DPYSL3: variants seen among roughly 807,000 people sequenced by gnomAD.
The protein encoded by DPYSL3 is dihydropyrimidinase-related protein 3.
In DPYSL3, 16 loss-of-function variants were observed where a neutral mutation model predicts 66.1. That is an observed-to-expected ratio of 0.24 (90% CI 0.16 to 0.37). The LOEUF (loss-of-function observed/expected upper bound fraction) is 0.37. Ranked by LOEUF, DPYSL3 falls within the 10% of genes least tolerant of loss-of-function variation. The pLI is 1.00. For synonymous variants in DPYSL3, 338 were observed against 345.1 expected (o/e 0.98, Z 0.23); for missense variants, 738 against 916.2 (o/e 0.81, Z 2.51).
At chr5:147,486,897 C>A (rs1002750386) in intron 1 of DPYSL3, among the ~76,000 whole-genome samples, 1 of 152,180 alleles carries the variant, frequency 6.6e-6, no homozygotes, top group Non-Finnish European at 1.5e-5. Context: ...CCTTTTACTG[C>A]ATATTCTTGA....
chr5:147,416,950 G>A (rs968731681), intron 3 of DPYSL3, among the ~76,000 whole-genome samples: 2 of 152,172 alleles, frequency 1.3e-5, no homozygotes, highest in Non-Finnish European at 2.9e-5. Flanking sequence ...AGCAAAAATG[G>A]AAGGTTAAAA....
intron 1 of DPYSL3, among the ~76,000 whole-genome samples, chr5:147,456,897 A>G (rs1206627491): frequency 6.6e-6 from 1 of 151,988 alleles, no homozygotes; most frequent in Non-Finnish European, 1.5e-5. Context: ...AGCCAGTTCT[A>G]TCTTTTAAAT....
At chr5:147,475,270 A>G (rs1022473803) in intron 1 of DPYSL3, among the ~76,000 whole-genome samples, 2 of 152,134 alleles carry the variant, frequency 1.3e-5, no homozygotes, top group African/African-American at 4.8e-5. Flanking sequence ...TACAGATGTT[A>G]GTTTCTTGGT....
chr5:147,453,237 T>A (rs959431223), intron 1 of DPYSL3, among the ~76,000 whole-genome samples: 2 of 152,180 alleles, frequency 1.3e-5, no homozygotes, highest in African/African-American at 4.8e-5. Flanking sequence ...GGCGGAGCAG[T>A]GGTCCTGGGA....
chr5:147,473,888 T>C (rs148299202), intron 1 of DPYSL3, among the ~76,000 whole-genome samples: 86 of 152,264 alleles, frequency 5.6e-4, no homozygotes, highest in African/African-American at 1.8e-3. Context: ...AAATTTTTGT[T>C]CCTGAATAAA....
chr5:147,435,768 G>A (rs1179253552), intron 1 of DPYSL3, among the ~76,000 whole-genome samples: 4 of 152,216 alleles, frequency 2.6e-5, no homozygotes, highest in Non-Finnish European at 5.9e-5. Context: ...CATGCTGGGT[G>A]CCAGCAGGAA....
At chr5:147,474,171 G>A (rs941807911) in intron 1 of DPYSL3, among the ~76,000 whole-genome samples, 1 of 151,972 alleles carries the variant, frequency 6.6e-6, no homozygotes, top group Admixed American at 6.6e-5. Context: ...TGTACACAAT[G>A]GTGGCTAGTA....
intron 11 of DPYSL3, among the ~76,000 whole-genome samples, chr5:147,398,854 C>G (rs936201303): frequency 1.3e-4 from 20 of 152,170 alleles, no homozygotes; most frequent in Non-Finnish European, 2.1e-4. Flanking sequence ...GAGAGGAAGC[C>G]TCTATTGGCC....
At chr5:147,481,185 T>A (rs1753237709) in intron 1 of DPYSL3, among the ~76,000 whole-genome samples, 2 of 152,204 alleles carry the variant, frequency 1.3e-5, no homozygotes, top group Non-Finnish European at 2.9e-5. Context: ...TGCCACATAA[T>A]AGCTGTGTGA....
At position 147,479,423 on chromosome 5, in the gene DPYSL3, T is replaced by C. The variant is rs186747647; in HGVS notation, c.381+30055A>G. Among the ~76,000 whole-genome samples the C allele has an allele frequency of 8.6e-4, 131 of 152,262 alleles. No homozygotes were observed. The Middle Eastern group carries it at 0.01, about 12-fold the overall frequency. On this transcript the variant is annotated intron_variant, in intron 1 of 13. Transcript: ENST00000343218. ...ATCCCTAGTGCACAGGACAACTGTT[T>C]AGGAGCGCAAGTCTTGTCAACTCAG... is the stretch of plus-strand genomic sequence containing the variant.
At chr5:147,426,424 A>G (rs1267890356) in intron 1 of DPYSL3, among the ~76,000 whole-genome samples, 1 of 152,084 alleles carries the variant, frequency 6.6e-6, no homozygotes, top group Non-Finnish European at 1.5e-5. Flanking sequence ...TAAGAGTTTG[A>G]GTTTGAATGA....
rs561223317 is a variant in DPYSL3 at position 147,449,812 on chromosome 5, C to A, written c.382-24849G>T. ...CCTGGCCCATTCCTGTGGTCAGCTT[C>A]AAGTTGTAACGTATGTCAGAGGAAA... On this transcript the variant is annotated intron_variant, in intron 1 of 13. Coordinates refer to ENST00000343218, the MANE Select transcript of DPYSL3 (RefSeq NM_001197294.2). Among the ~76,000 whole-genome samples the A allele has an allele frequency of 2.6e-5, 4 of 152,320 alleles. No homozygotes were observed. The South Asian group carries it at 8.3e-4, about 32-fold the overall frequency.
chr5:147,456,580 T>TC (rs1491498225), intron 1 of DPYSL3, among the ~76,000 whole-genome samples: 1 of 128,910 alleles, frequency 7.8e-6, no homozygotes, highest in African/African-American at 3.4e-5. Flanking sequence ...CTACTGATTC[T>TC]ATTTTTTTTT....
intron 1 of DPYSL3, among the ~76,000 whole-genome samples, chr5:147,470,911 C>T (rs1386110854): frequency 1.3e-5 from 2 of 152,108 alleles, no homozygotes; most frequent in Non-Finnish European, 1.5e-5. Context: ...CGGTCCTCCA[C>T]CTATAAAGTA....
Position 147,399,263 on chromosome 5 carries a change from A to G in DPYSL3, c.1453-11T>C, listed in dbSNP as rs998380650. On this transcript the variant is annotated splice_polypyrimidine_tract_variant and intron_variant, in intron 10 of 13. Transcript: ENST00000343218. ...CATTTTCCCTGTGGCCTATTGAAATATAAGAAATTATATCTATATCTATAG... is the reference window on the plus strand; with the variant it reads ...CATTTTCCCTGTGGCCTATTGAAATGTAAGAAATTATATCTATATCTATAG... The G allele has an allele frequency of 5.6e-6, 9 of 1,612,836 alleles. No individual in the cohort carries two copies. The African/African-American group carries it at 8.0e-5, about 14-fold the overall frequency.
At chr5:147,403,417 G>A (rs1251194692) in intron 8 of DPYSL3, among the ~76,000 whole-genome samples, 1 of 151,124 alleles carries the variant, frequency 6.6e-6, no homozygotes. Context: ...AAGAAGCTAA[G>A]ATAGTAATTA....
chr5:147,482,648 G>A (rs1396041132), intron 1 of DPYSL3, among the ~76,000 whole-genome samples: 2 of 152,192 alleles, frequency 1.3e-5, no homozygotes, highest in Non-Finnish European at 2.9e-5. Flanking sequence ...TAAAAGGAAG[G>A]TTGAGAAAGT....
rs1753736054 is a variant in DPYSL3, at chr5:147,509,920, G to A, written c.-62C>T. The stretch of plus-strand genomic sequence containing the variant: ...CCCAGAGGCGGAAAGGGCAGCCGCC[G>A]GCAGCGTGCGCCGAGCCACAGTGAC... On this transcript the variant is annotated 5_prime_UTR_variant, in exon 1 of 14. Coordinates refer to ENST00000343218, the MANE Select transcript of DPYSL3 (RefSeq NM_001197294.2). The surrounding 1 kb of genome is among the most constrained non-coding windows in gnomAD (Gnocchi z 5.3). The A allele has an allele frequency of 1.4e-6, 2 of 1,455,064 alleles. No individual in the cohort carries two copies. Among genetic ancestry groups the A allele is most frequent in the South Asian group, 2.8e-5 (2 of 70,636 alleles). 90.1% of individuals were successfully genotyped at this position (1,455,064 alleles called of 1,614,324 possible). A position where few individuals can be genotyped will look rare whatever the true frequency, so the allele number is the denominator to read the frequency against.
In DPYSL3 at chr5:147,480,192, C is replaced by A. The variant is rs544755959; in HGVS notation, c.381+29286G>T. Reference sequence around the variant, plus strand: ...CTCTTTCCCGTTTGCCTGTTCCTGCCAGCATCACTCCTGTAGCGGCAGTCA... The same window carrying A: ...CTCTTTCCCGTTTGCCTGTTCCTGCAAGCATCACTCCTGTAGCGGCAGTCA... On this transcript the variant is annotated intron_variant, in intron 1 of 13. Coordinates refer to ENST00000343218, the MANE Select transcript of DPYSL3 (RefSeq NM_001197294.2). Among the ~76,000 whole-genome samples, 9 of 152,292 alleles carry A rather than the reference C, an allele frequency of 5.9e-5. No individual in the cohort carries two copies. In the East Asian group the frequency reaches 1.5e-3, roughly 26 times the overall value.
Sources: allele counts gnomAD v4.1 joint callset (sites outside exome capture counted in the v4.1 genomes callset), GRCh38; gene constraint gnomAD v4.1.1; non-coding constraint Gnocchi (gnomAD v3.1); transcripts MANE v1.5; gene names NCBI Gene and HGNC (gene_info 2026-07-23, HGNC 2026-07-21).